MYO16: variants seen among roughly 807,000 people sequenced by gnomAD.
The protein encoded by MYO16 is unconventional myosin-XVI.
MYO16 carries 94 observed loss-of-function variants against 205.3 expected under a neutral mutation model. The ratio of observed to expected loss-of-function variants is 0.46; its 90% CI spans 0.39 to 0.54. The LOEUF (loss-of-function observed/expected upper bound fraction) is 0.54. Among genes scored for constraint, MYO16 ranks in the 20% least tolerant of loss-of-function variants. MYO16 has a pLI of 0.00. For synonymous variants in MYO16, 988 were observed against 954.0 expected, an observed-to-expected ratio of 1.04 and a Z score of -0.66; for missense variants, 2,315 against 2,387.5, an observed-to-expected ratio of 0.97 and a Z score of 0.63.
chr13:108,840,275 AT>A, intron 9 of MYO16, among the ~76,000 whole-genome samples: 1 of 152,158 alleles, frequency 6.6e-6, no homozygotes, highest in Non-Finnish European at 1.5e-5. Flanking sequence ...CTGTAAATTT[AT>A]TTCTTAATAT....
intron 4 of MYO16, among the ~76,000 whole-genome samples, chr13:108,736,681 G>C (rs556456876): frequency 6.6e-6 from 1 of 152,064 alleles, no homozygotes; most frequent in Non-Finnish European, 1.5e-5. Flanking sequence ...TCTCTGAAGA[G>C]AGTCATTGGT....
At chr13:109,187,747 A>G (rs1046426996) in intron 34 of MYO16, among the ~76,000 whole-genome samples, 1 of 152,222 alleles carries the variant, frequency 6.6e-6, no homozygotes, top group Non-Finnish European at 1.5e-5. Flanking sequence ...TCTTAAATGT[A>G]CTAAAATGTT....
intron 1 of MYO16, among the ~76,000 whole-genome samples, chr13:108,657,246 T>A (rs1881284654): frequency 6.6e-6 from 1 of 152,236 alleles, no homozygotes; most frequent in African/African-American, 2.4e-5. Context: ...CAGGTGGCTG[T>A]GTTTGTGTAG....
intron 28 of MYO16, among the ~76,000 whole-genome samples, chr13:109,104,946 C>T (rs1050427176): frequency 3.9e-4 from 60 of 152,218 alleles, no homozygotes; most frequent in African/African-American, 1.2e-3. Context: ...CCTTCTGTTA[C>T]GCTTCAGATT....
chr13:108,755,431 T>A (rs1335356674), intron 4 of MYO16, among the ~76,000 whole-genome samples: 1 of 152,122 alleles, frequency 6.6e-6, no homozygotes, highest in Non-Finnish European at 1.5e-5. Flanking sequence ...CAATATTAGA[T>A]CCTTTCACCT....
chr13:108,533,966 T>C, the MYO16 span, among the ~76,000 whole-genome samples: 3 of 152,290 alleles, frequency 2.0e-5, no homozygotes, highest in African/African-American at 2.4e-5. Context: ...TAGTTTTGCA[T>C]AGTTGTGAAA....
chr13:108,851,734 T>C (rs554288148), intron 10 of MYO16, among the ~76,000 whole-genome samples: 2 of 152,220 alleles, frequency 1.3e-5, no homozygotes, highest in African/African-American at 4.8e-5. Context: ...TGGGCCACCT[T>C]TTTCTAGAGC....
At chr13:108,679,126 A>C (rs1882351729) in intron 2 of MYO16, among the ~76,000 whole-genome samples, 1 of 152,100 alleles carries the variant, frequency 6.6e-6, no homozygotes, top group Non-Finnish European at 1.5e-5. Flanking sequence ...CAACATAAGA[A>C]TATTTTCTTT....
intron 27 of MYO16, among the ~76,000 whole-genome samples, chr13:109,057,968 C>T (rs951594239): frequency 2.6e-5 from 4 of 152,020 alleles, no homozygotes; most frequent in African/African-American, 9.7e-5. Context: ...TAGTAACTCC[C>T]TCTTTAGTGT....
chr13:109,106,141 CGCAGCA>C (rs1889117491), intron 28 of MYO16, among the ~76,000 whole-genome samples: 1 of 152,160 alleles, frequency 6.6e-6, no homozygotes, highest in African/African-American at 2.4e-5. Context: ...TGTTTTCTGT[CGCAGCA>C]GATATAGTTT....
chr13:108,725,455 T>G (rs1451561759), intron 3 of MYO16, among the ~76,000 whole-genome samples: 2 of 152,166 alleles, frequency 1.3e-5, no homozygotes, highest in Non-Finnish European at 2.9e-5. Context: ...GTTTCATCTT[T>G]TCAGGGCCTG....
intron 33 of MYO16, among the ~76,000 whole-genome samples, chr13:109,176,242 ATTAC>A (rs1427595929): frequency 1.3e-5 from 2 of 152,092 alleles, no homozygotes; most frequent in Non-Finnish European, 2.9e-5. Context: ...GAATATGTGT[ATTAC>A]TTATTAGCCA....
chr13:108,706,763 G>A (rs1195811978), intron 2 of MYO16, among the ~76,000 whole-genome samples: 3 of 152,156 alleles, frequency 2.0e-5, no homozygotes, highest in African/African-American at 4.8e-5. Context: ...CCTTGGACTT[G>A]GCTTACAGTC....
intron 4 of MYO16, among the ~76,000 whole-genome samples, chr13:108,755,019 T>C (rs1029560113): frequency 6.6e-6 from 1 of 151,990 alleles, no homozygotes; most frequent in Non-Finnish European, 1.5e-5. Context: ...ATAAAAAGTA[T>C]AAAGTTTTGA....
intron 28 of MYO16, among the ~76,000 whole-genome samples, chr13:109,113,005 C>T (rs1959174798): frequency 6.6e-6 from 1 of 152,184 alleles, no homozygotes; most frequent in African/African-American, 2.4e-5. Flanking sequence ...TTCAGTGCTA[C>T]TGTAGAGATG....
At chr13:108,699,094 CTCTA>C (rs1278342558) in intron 2 of MYO16, among the ~76,000 whole-genome samples, 2,174 of 140,312 alleles carry the variant, frequency 0.015, 23 homozygotes, top group Non-Finnish European at 0.021. Flanking sequence ...CTCTCTCTCT[CTCTA>C]TATATATATA....
intron 4 of MYO16, among the ~76,000 whole-genome samples, chr13:108,771,396 A>G (rs1375711559): frequency 6.6e-6 from 1 of 152,118 alleles, no homozygotes; most frequent in East Asian, 1.9e-4. Context: ...GAAATTTCAC[A>G]CGTGCTCCCT....
chr13:108,570,407 G>A, the MYO16 span, among the ~76,000 whole-genome samples: 1 of 152,050 alleles, frequency 6.6e-6, no homozygotes, highest in East Asian at 1.9e-4. Context: ...CACCACCATA[G>A]CTGGCTAATT....
intron 15 of MYO16, among the ~76,000 whole-genome samples, chr13:108,909,781 T>C (rs761110767): frequency 2.6e-5 from 4 of 152,182 alleles, no homozygotes; most frequent in African/African-American, 4.8e-5. Flanking sequence ...AAGTTCTTTG[T>C]TGGATATGGG....
Sources: allele counts gnomAD v4.1 joint callset (sites outside exome capture counted in the v4.1 genomes callset), GRCh38; gene constraint gnomAD v4.1.1; transcripts MANE v1.5; gene names NCBI Gene and HGNC (gene_info 2026-07-23, HGNC 2026-07-21).